GPR176: variants seen among roughly 807,000 people sequenced by gnomAD.
GPR176 encodes G protein-coupled receptor 176, also known as G-protein coupled receptor 176.
In GPR176, 26 loss-of-function variants were observed where a neutral mutation model predicts 35.4. The ratio of observed to expected loss-of-function variants is 0.74; its 90% CI spans 0.54 to 1.02. The LOEUF (loss-of-function observed/expected upper bound fraction) is 1.02, where lower values mean the gene tolerates loss of function less well. GPR176 is among the 50% of genes least tolerant of loss of function. GPR176 has a pLI of 0.00. For missense variants in GPR176, 597 were observed against 665.3 expected (o/e 0.90, Z 1.13); for synonymous variants, 278 against 271.3 (o/e 1.02, Z -0.24).
intron 1 of GPR176, among the ~76,000 whole-genome samples, chr15:39,825,265 C>T (rs1261949538): frequency 6.6e-6 from 1 of 152,112 alleles, no homozygotes; most frequent in African/African-American, 2.4e-5. Context: ...ATCCCACCAT[C>T]TTAAGAAAAG....
intron 1 of GPR176, among the ~76,000 whole-genome samples, chr15:39,830,252 A>C (rs1242231238): frequency 3.3e-5 from 5 of 152,234 alleles, no homozygotes; most frequent in African/African-American, 1.2e-4. Context: ...AACATTTATT[A>C]ATTTATTAGA....
intron 1 of GPR176, among the ~76,000 whole-genome samples, chr15:39,888,131 G>A (rs2032737134): frequency 6.6e-6 from 1 of 152,086 alleles, no homozygotes. Flanking sequence ...GTTCTTTGTT[G>A]AAAATGCTGT....
intron 1 of GPR176, chr15:39,909,996 C>T: frequency 2.7e-6 from 1 of 376,984 alleles, no homozygotes; most frequent in Non-Finnish European, 3.7e-6. Context: ...ACAGGAGGAT[C>T]TGTTGTCTGC....
chr15:39,866,460 C>T (rs2031833031), intron 1 of GPR176, among the ~76,000 whole-genome samples: 1 of 152,082 alleles, frequency 6.6e-6, no homozygotes, highest in African/African-American at 2.4e-5. Context: ...TTTCAAGAAA[C>T]TTTTGAACAC....
At chr15:39,909,681 C>G (rs1329532526) in intron 1 of GPR176, among the ~76,000 whole-genome samples, 1 of 152,110 alleles carries the variant, frequency 6.6e-6, no homozygotes, top group Non-Finnish European at 1.5e-5. Flanking sequence ...AAAACTTGAG[C>G]CTTTTCTTTA....
intron 1 of GPR176, among the ~76,000 whole-genome samples, chr15:39,834,508 G>A (rs1901276859): frequency 6.6e-6 from 1 of 151,968 alleles, no homozygotes; most frequent in African/African-American, 2.4e-5. Flanking sequence ...ATTAGGTTTG[G>A]GTAAAGATTT....
chr15:39,837,992 T>TG (rs1310245624), intron 1 of GPR176, among the ~76,000 whole-genome samples: 1 of 92,204 alleles, frequency 1.1e-5, no homozygotes, highest in Non-Finnish European at 2.0e-5. Flanking sequence ...ACTCCATTAA[T>TG]TAAAAAAAAA....
chr15:39,829,131 G>A, intron 1 of GPR176: 1 of 1,476,580 alleles, frequency 6.8e-7, no homozygotes, highest in Non-Finnish European at 9.1e-7. Flanking sequence ...GACAGAAGCA[G>A]TTGAACTCCA....
At chr15:39,876,974 G>C (rs182195023) in intron 1 of GPR176, among the ~76,000 whole-genome samples, 10 of 152,240 alleles carry the variant, frequency 6.6e-5, no homozygotes, top group East Asian at 1.9e-4. Flanking sequence ...AAAAAATAAG[G>C]TTACTTCTTC....
intron 1 of GPR176, among the ~76,000 whole-genome samples, chr15:39,837,371 A>G (rs1901467525): frequency 6.6e-6 from 1 of 152,108 alleles, no homozygotes; most frequent in Non-Finnish European, 1.5e-5. Flanking sequence ...TCACTCTGTG[A>G]GTGTGCCATT....
intron 1 of GPR176, among the ~76,000 whole-genome samples, chr15:39,845,966 A>T (rs2030395031): frequency 6.6e-6 from 1 of 152,208 alleles, no homozygotes; most frequent in Admixed American, 6.5e-5. Context: ...AAGGACAGAA[A>T]AGAAGTTATG....
rs1194761565 is a variant in GPR176, at chr15:39,801,391, G to C, written c.1289C>G (p.Ser430Cys). 1.2e-6 allele frequency: 2 copies of C among 1,614,228 alleles called. No homozygotes were observed. ...PSAPPLSTVD[S>C]VSQVAPAAPV... ...GGCTGCCGGTGCCACCTGGGATACA[G>C]AGTCCACTGTGCTCAGGGGTGGGGC... The change falls in exon 3 of 3, where the codon TCT becomes TGT. Residue 430 changes from serine to cysteine, a missense_variant. Ser to Cys is a moderately radical substitution (Grantham distance 112, BLOSUM62 -1). Coordinates refer to ENST00000561100, the MANE Select transcript of GPR176 (RefSeq NM_007223.3).
rs140712397 is a variant in GPR176, at chr15:39,914,590, A to G, written c.172+5265T>C. Among the ~76,000 whole-genome samples, 1,263 of 152,252 alleles carry G rather than the reference A, an allele frequency of 8.3e-3. 21 individuals carry two copies. The highest frequency in any genetic ancestry group is 0.075 in the East Asian group (388 of 5,170). On this transcript the variant is annotated intron_variant, in intron 1 of 2. Transcript: ENST00000561100. ...CTCCCAAAGTGCTGGGATTACAGGC[A>G]TGAGCCACCACACCTGGCCCAGGAT...
intron 1 of GPR176, among the ~76,000 whole-genome samples, chr15:39,887,683 G>A (rs1751451245): frequency 6.6e-6 from 1 of 150,896 alleles, no homozygotes; most frequent in Admixed American, 6.6e-5. Flanking sequence ...TATTTTCCTA[G>A]AAGAAAATCT....
At chr15:39,910,069 A>C (rs1472914659) in intron 1 of GPR176, among the ~76,000 whole-genome samples, 2 of 152,226 alleles carry the variant, frequency 1.3e-5, no homozygotes, top group Admixed American at 1.3e-4. Context: ...GTGTTGTGGG[A>C]GAGCAATATT....
intron 1 of GPR176, among the ~76,000 whole-genome samples, chr15:39,863,517 A>C (rs8027339): frequency 0.21 from 32,573 of 152,028 alleles, 3,823 homozygotes; most frequent in Admixed American, 0.36. Context: ...AAGCCACAGT[A>C]AGCTAAGGTT....
intron 1 of GPR176, among the ~76,000 whole-genome samples, chr15:39,885,950 TA>T (rs1422142990): frequency 1.3e-5 from 2 of 152,258 alleles, no homozygotes; most frequent in Admixed American, 1.3e-4. Flanking sequence ...ATGGGAATAT[TA>T]GGCCAGGCAC....
At chr15:39,803,954 A>C (rs1226907421) in intron 2 of GPR176, among the ~76,000 whole-genome samples, 1 of 152,200 alleles carries the variant, frequency 6.6e-6, no homozygotes. Flanking sequence ...GGAGGGAAAA[A>C]GAGAAAGAAG....
chr15:39,816,857 C>A (rs1298894209), intron 1 of GPR176, among the ~76,000 whole-genome samples: 1 of 151,798 alleles, frequency 6.6e-6, no homozygotes, highest in Admixed American at 6.6e-5. Context: ...GAGTTCAAGA[C>A]CCACCTGGTC....
Sources: gnomAD v4.1 joint callset for allele counts (sites outside exome capture counted in the v4.1 genomes callset) on GRCh38, gnomAD v4.1.1 for gene constraint, MANE v1.5 for transcripts, NCBI Gene and HGNC (gene_info 2026-07-23, HGNC 2026-07-21) for gene names.